The following TNRC6B variants were observed in gnomAD, a reference collection of about 807,000 sequenced individuals.
The protein encoded by TNRC6B is trinucleotide repeat-containing gene 6B protein.
Under a neutral mutation model 203.6 loss-of-function variants are expected in TNRC6B, and 52 were observed. That is an observed-to-expected ratio of 0.26 (90% CI 0.20 to 0.32). The LOEUF is 0.32. Among genes scored for constraint, TNRC6B ranks in the 10% least tolerant of loss-of-function variants. The pLI, the probability that TNRC6B is intolerant of heterozygous loss-of-function variation, is 1.00. For missense variants in TNRC6B, 1,923 were observed against 2,286.2 expected (o/e 0.84, Z 3.24); for synonymous variants, 838 against 845.7 (o/e 0.99, Z 0.16).
rs188642285 is a variant in TNRC6B at position 40,242,675 on chromosome 22, C to T, written c.6-3340C>T. Among the ~76,000 whole-genome samples, 304 of 152,174 alleles carry T rather than the reference C, an allele frequency of 2.0e-3. 1 individual carries two copies. Among genetic ancestry groups the T allele is most frequent in the African/African-American group, 7.2e-3 (297 of 41,516 alleles). On this transcript the variant is annotated intron_variant, in intron 1 of 22. Transcript: ENST00000454349. ...GAACTCCTGACCTCAGGTGATCCAC[C>T]CGCCTTGGCCTCCCAAAGTGCTGGA...
At chr22:40,206,830 G>T (rs1248013978) in intron 1 of TNRC6B, among the ~76,000 whole-genome samples, 1 of 152,138 alleles carries the variant, frequency 6.6e-6, no homozygotes, top group African/African-American at 2.4e-5. Context: ...CAGTTTAGTT[G>T]GGGAAATAAT....
intron 11 of TNRC6B, among the ~76,000 whole-genome samples, chr22:40,282,427 A>G (rs2070730570): frequency 6.6e-6 from 1 of 152,214 alleles, no homozygotes; most frequent in African/African-American, 2.4e-5. Context: ...CTGCTTCCAC[A>G]GAGGACATGG....
intron 3 of TNRC6B, among the ~76,000 whole-genome samples, 158 bp downstream of exon 3, chr22:40,251,358 AAATAC>A (rs2070190265): frequency 6.6e-6 from 1 of 152,198 alleles, no homozygotes. Context: ...GACAAATTGA[AAATAC>A]TTGTATTGGT....
At chr22:40,237,487 G>A (rs150088092) in intron 1 of TNRC6B, among the ~76,000 whole-genome samples, 297 of 152,300 alleles carry the variant, frequency 2.0e-3, no homozygotes, top group Non-Finnish European at 3.1e-3. Context: ...CTGATGCGGC[G>A]GAAGGGAAAC....
intron 12 of TNRC6B, among the ~76,000 whole-genome samples, chr22:40,296,326 A>AT (rs951987835): frequency 0.1 from 13,051 of 125,400 alleles, 994 homozygotes; most frequent in African/African-American, 0.13. Context: ...AGAATGGTGA[A>AT]TTTTTTTTTT....
intron 1 of TNRC6B, among the ~76,000 whole-genome samples, chr22:40,066,886 CTTTTCTTTTTTTTTT>C (rs778401422): frequency 4.0e-5 from 6 of 148,532 alleles, no homozygotes; most frequent in East Asian, 3.9e-4. Flanking sequence ...GTGGAAGCTT[CTTTTCTTTTTTTTTT>C]TTTTCTTTTT....
At chr22:40,280,534 C>T (rs1442327620) in intron 10 of TNRC6B, among the ~76,000 whole-genome samples, 1 of 152,204 alleles carries the variant, frequency 6.6e-6, no homozygotes, top group East Asian at 1.9e-4. Flanking sequence ...CTGTTGTTAT[C>T]TTTCCCCAGT....
intron 9 of TNRC6B, among the ~76,000 whole-genome samples, chr22:40,278,498 C>T (rs1015543060): frequency 1.3e-5 from 2 of 148,236 alleles, no homozygotes; most frequent in African/African-American, 2.5e-5. Flanking sequence ...GCAGAGGTTG[C>T]ACTGAGCCGA....
intron 1 of TNRC6B, among the ~76,000 whole-genome samples, chr22:40,243,105 G>A (rs999661609): frequency 6.6e-6 from 1 of 151,822 alleles, no homozygotes. Context: ...TCCTGCCCTC[G>A]CAATCCACCC....
rs2070770055 is a variant in TNRC6B at position 40,285,636 on chromosome 22, T to C, written c.3583-9T>C. ...ACAAAAAGCCTTACTGCTGCTTTTC[T>C]GTTTACAGGGCGGTAGTCATGGTTT... On this transcript the variant is annotated splice_polypyrimidine_tract_variant and intron_variant, in intron 11 of 22. Coordinates refer to ENST00000454349, the MANE Select transcript of TNRC6B (RefSeq NM_001162501.2). 1 of 1,606,978 alleles carries C rather than the reference T, an allele frequency of 6.2e-7. No homozygotes were observed. Among genetic ancestry groups the C allele is most frequent in the Non-Finnish European group, 8.5e-7 (1 of 1,178,196 alleles).
At chr22:40,291,118 G>T (rs2070864424) in intron 12 of TNRC6B, among the ~76,000 whole-genome samples, 1 of 152,200 alleles carries the variant, frequency 6.6e-6, no homozygotes, top group South Asian at 2.1e-4. Context: ...AGGCACGGTG[G>T]TTTACTCCTA....
Position 40,075,573 on chromosome 22 carries a change from C to T in TNRC6B, c.-121+30575C>T, listed in dbSNP as rs374375116. 1.6e-4 allele frequency among the ~76,000 whole-genome samples: 24 copies of T among 151,752 alleles called. 2 individuals are homozygous for T. Among genetic ancestry groups the T allele is most frequent in the Admixed American group, 9.8e-4 (15 of 15,248 alleles). Reference sequence around the variant, plus strand: ...GTTGGATTTTTAAAGTCCAATCTTACCATCTTTGTTTTTTAATTGAAGTGT... The same window carrying T: ...GTTGGATTTTTAAAGTCCAATCTTATCATCTTTGTTTTTTAATTGAAGTGT... On this transcript the variant is annotated intron_variant, in intron 1 of 23. Transcript: ENST00000301923.
chr22:40,260,763 G>A (rs1305659361), intron 3 of TNRC6B, among the ~76,000 whole-genome samples: 1 of 152,138 alleles, frequency 6.6e-6, no homozygotes, highest in Non-Finnish European at 1.5e-5. Flanking sequence ...TGTTGATTTA[G>A]GGGAGTGAAT....
intron 2 of TNRC6B, among the ~76,000 whole-genome samples, chr22:40,121,257 TC>T (rs1241959842): frequency 2.0e-5 from 3 of 151,744 alleles, no homozygotes; most frequent in African/African-American, 4.8e-5. Flanking sequence ...CTTCCTTCCT[TC>T]CTTGTATAGC....
rs539432086 is a variant in TNRC6B at position 40,189,364 on chromosome 22, T to C, written c.5+11224T>C. 2.6e-5 allele frequency among the ~76,000 whole-genome samples: 4 copies of C among 152,328 alleles called. No individual in the cohort carries two copies. In the South Asian group the frequency reaches 8.3e-4, roughly 32 times the overall value. ...CCTCATGGAAAACACTGCTGTGCTG[T>C]CTTCCAGCTTCCAGGTTTCACGAAG... On this transcript the variant is annotated intron_variant, in intron 1 of 22. Coordinates refer to ENST00000454349, the MANE Select transcript of TNRC6B (RefSeq NM_001162501.2).
intron 1 of TNRC6B, among the ~76,000 whole-genome samples, chr22:40,069,274 A>AT (rs200708243): frequency 1.2e-3 from 177 of 144,932 alleles, no homozygotes; most frequent in Non-Finnish European, 1.6e-3. Flanking sequence ...CTGATATAAA[A>AT]TTTTTTTTTT....
At chr22:40,162,077 C>T (rs1225858033) in intron 4 of TNRC6B, among the ~76,000 whole-genome samples, 1 of 152,014 alleles carries the variant, frequency 6.6e-6, no homozygotes, top group Non-Finnish European at 1.5e-5. Flanking sequence ...ATCACTTGTT[C>T]TAATTTTGAA....
intron 1 of TNRC6B, among the ~76,000 whole-genome samples, chr22:40,075,154 A>ATTTTT (rs1181613595): frequency 8.1e-4 from 45 of 55,340 alleles, no homozygotes; most frequent in African/African-American, 4.7e-3. Flanking sequence ...ATATATATAT[A>ATTTTT]TATTTTTTTT....
chr22:40,203,378 C>A (rs1294854760), intron 1 of TNRC6B, among the ~76,000 whole-genome samples: 2 of 152,024 alleles, frequency 1.3e-5, no homozygotes, highest in Non-Finnish European at 2.9e-5. Context: ...TTTGCCCTTC[C>A]GTAACAAAAG....
Sources: gnomAD v4.1 joint callset for allele counts (sites outside exome capture counted in the v4.1 genomes callset) on GRCh38, gnomAD v4.1.1 for gene constraint, MANE v1.5 for transcripts, NCBI Gene and HGNC (gene_info 2026-07-23, HGNC 2026-07-21) for gene names.